Variants in STK39 observed in about 807,000 individuals in gnomAD.
STK39 encodes serine/threonine kinase 39.
Under a neutral mutation model 77.8 loss-of-function variants are expected in STK39, and 20 were observed. That is an observed-to-expected ratio of 0.26 (90% CI 0.18 to 0.37). The LOEUF (loss-of-function observed/expected upper bound fraction) is 0.37. STK39 is among the 10% of genes least tolerant of loss of function. STK39 has a pLI of 1.00. For synonymous variants in STK39, 246 were observed against 234.1 expected, an observed-to-expected ratio of 1.05 and a Z score of -0.47; for missense variants, 479 against 656.5, an observed-to-expected ratio of 0.73 and a Z score of 2.95.
At chr2:168,201,890 A>T (rs1689620328) in intron 1 of STK39, among the ~76,000 whole-genome samples, 1 of 152,246 alleles carries the variant, frequency 6.6e-6, no homozygotes, top group Non-Finnish European at 1.5e-5. Flanking sequence ...TGAAGGAGAC[A>T]ATCCAATAAA....
intron 10 of STK39, among the ~76,000 whole-genome samples, chr2:168,114,323 A>T (rs1687202013): frequency 6.6e-6 from 1 of 152,198 alleles, no homozygotes; most frequent in Admixed American, 6.5e-5. Context: ...TTCTCACATG[A>T]CATTTAAATA....
At chr2:168,197,999 T>C (rs562529294) in intron 1 of STK39, among the ~76,000 whole-genome samples, 10 of 150,820 alleles carry the variant, frequency 6.6e-5, no homozygotes, top group Non-Finnish European at 1.2e-4. Context: ...GACTGTGCCA[T>C]TGCACTCCAG....
At chr2:168,164,318 G>A (rs565025153) in intron 3 of STK39, among the ~76,000 whole-genome samples, 6 of 152,324 alleles carry the variant, frequency 3.9e-5, no homozygotes, top group East Asian at 3.9e-4. Flanking sequence ...ACAGGTGGGA[G>A]GGGGAAAGAA....
At chr2:168,111,656 T>C (rs945182267) in intron 10 of STK39, among the ~76,000 whole-genome samples, 1 of 152,148 alleles carries the variant, frequency 6.6e-6, no homozygotes, top group African/African-American at 2.4e-5. Flanking sequence ...AGGGGAAAAA[T>C]AGTCTAAAAC....
intron 10 of STK39, among the ~76,000 whole-genome samples, chr2:168,095,083 G>A (rs1686626814): frequency 1.3e-5 from 2 of 151,986 alleles, no homozygotes; most frequent in South Asian, 4.1e-4. Flanking sequence ...ATCACCTCAG[G>A]CCTAGCTGTC....
intron 10 of STK39, 40 bp downstream of exon 10, chr2:168,129,501 G>C: frequency 6.2e-7 from 1 of 1,608,074 alleles, no homozygotes; most frequent in East Asian, 2.2e-5. Context: ...TTTCCCTGGG[G>C]ATTGGTTCCT....
intron 14 of STK39, among the ~76,000 whole-genome samples, chr2:168,024,651 T>C (rs1432823147): frequency 6.6e-6 from 1 of 152,240 alleles, no homozygotes; most frequent in Non-Finnish European, 1.5e-5. Flanking sequence ...AATACATTGC[T>C]GGTCATTACG....
At chr2:168,121,145 T>C (rs561437912) in intron 10 of STK39, among the ~76,000 whole-genome samples, 98 of 152,342 alleles carry the variant, frequency 6.4e-4, no homozygotes, top group African/African-American at 2.1e-3. Flanking sequence ...CTCTTCTTCT[T>C]CATTCTGAGG....
intron 1 of STK39, among the ~76,000 whole-genome samples, chr2:168,211,916 T>A (rs78952935): frequency 0.019 from 2,920 of 152,322 alleles, 98 homozygotes; most frequent in African/African-American, 0.066. Context: ...TACCAGCTGC[T>A]GGGAATGGAG....
chr2:168,062,394 G>A (rs575751137), intron 14 of STK39, among the ~76,000 whole-genome samples: 20 of 152,308 alleles, frequency 1.3e-4, no homozygotes, highest in Admixed American at 9.8e-4. Flanking sequence ...CTAAATTCAC[G>A]AACTGTGAAT....
chr2:168,222,765 AATT>A (rs1260437502), intron 1 of STK39, among the ~76,000 whole-genome samples: 4 of 152,168 alleles, frequency 2.6e-5, no homozygotes, highest in Non-Finnish European at 5.9e-5. Flanking sequence ...GTGAATTCTC[AATT>A]AGCCATACCA....
intron 1 of STK39, among the ~76,000 whole-genome samples, chr2:168,237,944 T>C (rs1228061669): frequency 2.0e-5 from 3 of 152,106 alleles, no homozygotes; most frequent in Admixed American, 2.0e-4. Context: ...CAAACAGAGA[T>C]AGTGACATTG....
chr2:168,132,590 C>T (rs1211876944), intron 8 of STK39, among the ~76,000 whole-genome samples: 1 of 152,126 alleles, frequency 6.6e-6, no homozygotes, highest in African/African-American at 2.4e-5. Flanking sequence ...GCTTTTCTTG[C>T]TTCCAAATTT....
intron 1 of STK39, among the ~76,000 whole-genome samples, chr2:168,191,424 C>T (rs1689337221): frequency 6.6e-6 from 1 of 152,100 alleles, no homozygotes; most frequent in Admixed American, 6.5e-5. Context: ...GTCTAAGCCC[C>T]AGTACAACAA....
intron 17 of STK39, among the ~76,000 whole-genome samples, chr2:167,961,408 T>A (rs1691956609): frequency 6.6e-6 from 1 of 152,230 alleles, no homozygotes; most frequent in Non-Finnish European, 1.5e-5. Context: ...AAATTTGTAT[T>A]CTATCTTCAA....
intron 10 of STK39, among the ~76,000 whole-genome samples, chr2:168,120,868 T>A (rs1224143344): frequency 6.6e-6 from 1 of 152,168 alleles, no homozygotes; most frequent in Non-Finnish European, 1.5e-5. Flanking sequence ...CTCCCCAACA[T>A]AATCTCCAAA....
At chr2:167,974,544 T>C (rs983318972) in intron 16 of STK39, among the ~76,000 whole-genome samples, 11 of 152,206 alleles carry the variant, frequency 7.2e-5, no homozygotes, top group Non-Finnish European at 1.3e-4. Flanking sequence ...GTTCCAAAAT[T>C]GTATGGGATT....
intron 16 of STK39, among the ~76,000 whole-genome samples, chr2:167,965,840 A>C (rs1185591277): frequency 6.6e-6 from 1 of 152,204 alleles, no homozygotes; most frequent in Non-Finnish European, 1.5e-5. Context: ...TTTAAGTAGA[A>C]AGTAGTAAGA....
At chr2:167,981,620 T>C (rs960717145) in intron 16 of STK39, among the ~76,000 whole-genome samples, 3 of 152,222 alleles carry the variant, frequency 2.0e-5, no homozygotes, top group African/African-American at 7.2e-5. Context: ...GGTGTTGTGT[T>C]CAATTTAACA....
Sources: allele counts gnomAD v4.1 joint callset (sites outside exome capture counted in the v4.1 genomes callset), GRCh38; gene constraint gnomAD v4.1.1; transcripts MANE v1.5; gene names NCBI Gene and HGNC (gene_info 2026-07-23, HGNC 2026-07-21).